Variants in HP1BP3 observed in about 807,000 individuals in gnomAD.
HP1BP3 encodes the protein heterochromatin protein 1 binding protein 3, also known as heterochromatin protein 1-binding protein 3.
In HP1BP3, 12 loss-of-function variants were observed where a neutral mutation model predicts 62.5. That is an observed-to-expected ratio of 0.19 (90% CI 0.12 to 0.31). The LOEUF is 0.31. Ranked by LOEUF, HP1BP3 falls within the 10% of genes least tolerant of loss-of-function variation. The pLI is 1.00. For synonymous variants in HP1BP3, 260 were observed against 237.8 expected (o/e 1.09, Z -0.86); for missense variants, 502 against 651.8 (o/e 0.77, Z 2.50).
At chr1:20,770,564 C>G (rs2057011154) in intron 6 of HP1BP3, among the ~76,000 whole-genome samples, 2 of 152,174 alleles carry the variant, frequency 1.3e-5, no homozygotes, top group African/African-American at 4.8e-5. Flanking sequence ...ATCCTCCCAA[C>G]TAAGCCTCCC....
intron 8 of HP1BP3, among the ~76,000 whole-genome samples, chr1:20,763,118 T>C (rs143834930): frequency 8.5e-5 from 13 of 152,142 alleles, no homozygotes; most frequent in African/African-American, 2.9e-4. Flanking sequence ...TTTTTTGCCA[T>C]GTGATACGAT....
At position 20,750,325 on chromosome 1, in the gene HP1BP3, ACACACACAC is replaced by A. The variant is rs1557638840; in HGVS notation, c.982-452_982-444del. 11 of 2,012 alleles carry A rather than the reference ACACACACAC, an allele frequency of 5.5e-3. No individual in the cohort carries two copies. The East Asian group carries it at 0.1, about 19-fold the overall frequency. 0.1% of individuals were successfully genotyped at this position (2,012 alleles called of 1,614,324 possible). On this transcript the variant is annotated intron_variant, in intron 9 of 12. Coordinates refer to ENST00000438032, the MANE Select transcript of HP1BP3 (RefSeq NM_001372052.1). ...GGCGAAACCTGTCTCTACTAAAAAC[ACACACACAC>A]ACACACACACACACACACACACACA...
At chr1:20,764,401 T>C (rs1397702855) in intron 8 of HP1BP3, among the ~76,000 whole-genome samples, 2 of 151,758 alleles carry the variant, frequency 1.3e-5, no homozygotes, top group East Asian at 1.9e-4. Context: ...TGGAGTGCAA[T>C]GGCGCAATCT....
chr1:20,781,317 T>C (rs1347773606), intron 1 of HP1BP3, among the ~76,000 whole-genome samples: 2 of 152,130 alleles, frequency 1.3e-5, no homozygotes, highest in African/African-American at 2.4e-5. Flanking sequence ...GCTAATGAAC[T>C]ATTAACAATG....
intron 8 of HP1BP3, among the ~76,000 whole-genome samples, chr1:20,764,028 C>A (rs1434630187): frequency 1.3e-5 from 2 of 152,128 alleles, no homozygotes; most frequent in African/African-American, 4.8e-5. Flanking sequence ...GACTCAAAAA[C>A]TATACCCAGA....
chr1:20,774,552 TA>T (rs2057213131), intron 4 of HP1BP3: 1 of 152,194 alleles, frequency 6.6e-6, no homozygotes, highest in Non-Finnish European at 1.5e-5. Flanking sequence ...GGTGGTCCCT[TA>T]AGATTATAAT....
chr1:20,750,637 C>G (rs1266629368), intron 9 of HP1BP3, among the ~76,000 whole-genome samples: 1 of 151,696 alleles, frequency 6.6e-6, no homozygotes, highest in Non-Finnish European at 1.5e-5. Context: ...GAACACAACA[C>G]AATTTTATCT....
chr1:20,787,166 C>T (rs1338922201), intron 1 of HP1BP3, 29 bp downstream of exon 1: 1 of 151,782 alleles, frequency 6.6e-6, no homozygotes, highest in Non-Finnish European at 1.5e-5. Context: ...CGCGCCCACT[C>T]CCCGGCCGCC....
rs530825267 is a variant in HP1BP3, at chr1:20,742,662, A to G, written c.*2135T>C. 1 of 152,808 alleles carries G rather than the reference A, an allele frequency of 6.5e-6. No homozygotes were observed. Among genetic ancestry groups the G allele is most frequent in the African/African-American group, 2.4e-5 (1 of 41,594 alleles). 9.5% of individuals were successfully genotyped at this position (152,808 alleles called of 1,614,324 possible). A position where few individuals can be genotyped will look rare whatever the true frequency, so the allele number is the denominator to read the frequency against. On this transcript the variant is annotated 3_prime_UTR_variant, in exon 13 of 13. Coordinates refer to ENST00000438032, the MANE Select transcript of HP1BP3 (RefSeq NM_001372052.1). The stretch of plus-strand genomic sequence containing the variant: ...TATACTATACTCAAAACCTTTAAAT[A>G]TAAGCTACGGTTCAGCAGCTTTTAA...
chr1:20,757,280 AT>A (rs750283235), intron 8 of HP1BP3, 24 bp from the exon 9 acceptor site: 2 of 1,411,006 alleles, frequency 1.4e-6, no homozygotes, highest in South Asian at 1.2e-5. Context: ...CAAAAAAAAA[AT>A]AGTGATAAAT....
At chr1:20,756,671 G>A (rs2056129386) in intron 9 of HP1BP3, among the ~76,000 whole-genome samples, 1 of 152,152 alleles carries the variant, frequency 6.6e-6, no homozygotes, top group South Asian at 2.1e-4. Context: ...GTATTTTAAA[G>A]TAAATCAATA....
At chr1:20,765,175 T>TAAAAA (rs4057761) in intron 8 of HP1BP3, among the ~76,000 whole-genome samples, 1 of 57,356 alleles carries the variant, frequency 1.7e-5, no homozygotes. Flanking sequence ...CTCAAAAAAC[T>TAAAAA]AAAAAAAAAA....
chr1:20,779,291 A>AT (rs1193496493), intron 3 of HP1BP3, among the ~76,000 whole-genome samples: 2 of 152,260 alleles, frequency 1.3e-5, no homozygotes, highest in African/African-American at 4.8e-5. Context: ...TATACATGCC[A>AT]TAAAGGAGCA....
intron 5 of HP1BP3, among the ~76,000 whole-genome samples, chr1:20,772,889 G>A (rs1044059501): frequency 6.6e-6 from 1 of 152,172 alleles, no homozygotes; most frequent in Admixed American, 6.6e-5. Flanking sequence ...ATCTATGTAA[G>A]GAGGATAATT....
intron 1 of HP1BP3, among the ~76,000 whole-genome samples, chr1:20,783,620 TGTA>T (rs2057675631): frequency 6.6e-6 from 1 of 151,618 alleles, no homozygotes; most frequent in South Asian, 2.1e-4. Flanking sequence ...AGGTTCAATC[TGTA>T]GTACTTTCTT....
intron 9 of HP1BP3, chr1:20,750,137 C>G (rs1292847160): frequency 4.2e-6 from 2 of 477,370 alleles, no homozygotes; most frequent in East Asian, 9.7e-5. Context: ...CAACCTAACC[C>G]AAAGATACTG....
At chr1:20,776,556 C>G (rs2057312710) in intron 4 of HP1BP3, 41 bp downstream of exon 4, 1 of 1,551,700 alleles carries the variant, frequency 6.4e-7, no homozygotes, top group Non-Finnish European at 8.8e-7. Flanking sequence ...TCCTTTTACA[C>G]ATTCTTCAAA....
rs763911758 is a variant in HP1BP3, at chr1:20,779,868, G to C, written c.140C>G (p.Ser47Cys). ...GCTTTTGGGAGGAGTTTCCCGGGTA[G>C]AATTCACAGTTCGACGAATCGGCAT... The part of the protein sequence containing the change: ...STMPIRRTVN[S>C]TRETPPKSKL... Residue 47 changes from serine (S) to cysteine (C), a missense_variant, in exon 3 of 13, where the codon TCT (serine) becomes TGT (cysteine). By Grantham distance (112) the Ser-to-Cys change is moderately radical (BLOSUM62 -1). Transcript: ENST00000438032. 12 of 1,613,504 alleles carry C rather than the reference G, an allele frequency of 7.4e-6. No homozygotes were observed. Among genetic ancestry groups the C allele is most frequent in the Non-Finnish European group, 4.2e-6 (5 of 1,179,846 alleles).
intron 5 of HP1BP3, 76 bp from the exon 6 acceptor site, chr1:20,771,149 T>C (rs2057040034): frequency 7.8e-7 from 1 of 1,290,110 alleles, no homozygotes; most frequent in Non-Finnish European, 1.1e-6. Flanking sequence ...ATAAATTATT[T>C]TGGAAGTGAA....
Sources: gnomAD v4.1 joint callset for allele counts (sites outside exome capture counted in the v4.1 genomes callset) on GRCh38, gnomAD v4.1.1 for gene constraint, MANE v1.5 for transcripts, NCBI Gene and HGNC (gene_info 2026-07-23, HGNC 2026-07-21) for gene names.